COMMD10: variants seen among roughly 807,000 people sequenced by gnomAD.
The protein encoded by COMMD10 is COMM domain containing 10.
Under a neutral mutation model 28.9 loss-of-function variants are expected in COMMD10, and 33 were observed. The ratio of observed to expected loss-of-function variants is 1.14; its 90% confidence interval spans 0.87 to 1.53. The LOEUF (loss-of-function observed/expected upper bound fraction) is 1.53. Ranked by LOEUF, COMMD10 falls within the 40% of genes most tolerant of loss-of-function variation. The pLI, the probability that COMMD10 is intolerant of heterozygous loss-of-function variation, is 0.00. For synonymous variants in COMMD10, 110 were observed against 81.7 expected (o/e 1.35, Z -1.87); for missense variants, 310 against 233.4 (o/e 1.33, Z -2.14).
At chr5:116,173,497 C>A (rs144729728) in intron 5 of COMMD10, among the ~76,000 whole-genome samples, 31 of 152,254 alleles carry the variant, frequency 2.0e-4, no homozygotes, top group African/African-American at 7.0e-4. Flanking sequence ...AATATACTTA[C>A]AAAGAGCTAG....
At chr5:116,102,147 A>G (rs534540675) in intron 4 of COMMD10, among the ~76,000 whole-genome samples, 15 of 152,178 alleles carry the variant, frequency 9.9e-5, no homozygotes, top group Non-Finnish European at 1.9e-4. Flanking sequence ...AACAAGGTCC[A>G]AAAGAGTTTT....
At chr5:116,128,480 TATGATGTAC>T (rs1751736297) in intron 4 of COMMD10, among the ~76,000 whole-genome samples, 1 of 152,036 alleles carries the variant, frequency 6.6e-6, no homozygotes, top group African/African-American at 2.4e-5. Context: ...AATTCATTGA[TATGATGTAC>T]ACAGGATAGT....
chr5:116,125,691 C>G (rs1024568188), intron 4 of COMMD10, among the ~76,000 whole-genome samples: 2 of 152,104 alleles, frequency 1.3e-5, no homozygotes, highest in African/African-American at 4.8e-5. Flanking sequence ...GTGCACCAAT[C>G]AGATATAGAT....
intron 5 of COMMD10, among the ~76,000 whole-genome samples, chr5:116,251,381 T>C (rs1250052425): frequency 6.8e-6 from 1 of 147,568 alleles, no homozygotes; most frequent in Admixed American, 6.8e-5. Context: ...CATGCTGGTG[T>C]GCTGCACCCA....
intron 5 of COMMD10, among the ~76,000 whole-genome samples, chr5:116,200,428 G>T (rs1388225734): frequency 2.0e-5 from 3 of 151,732 alleles, no homozygotes; most frequent in Non-Finnish European, 4.4e-5. Flanking sequence ...TATCTCTTTT[G>T]GTGCTCTGTG....
chr5:116,281,383 TTAAAAA>T lies in COMMD10; in HGVS notation c.511-10127_511-10122del, dbSNP rs529760465. On this transcript the variant is annotated intron_variant, in intron 5 of 6. Transcript: ENST00000274458. ...AGGTACTCATAGATAGGATTACAAA[TTAAAAA>T]TAAAAAGGAATGGGTGGTGAACAAA... Among the ~76,000 whole-genome samples the T allele has an allele frequency of 1.7e-3, 262 of 151,892 alleles. 5 individuals are homozygous for T. The highest frequency in any genetic ancestry group is 6.0e-3 in the African/African-American group (246 of 41,272).
At chr5:116,132,585 C>A (rs1294059432) in intron 4 of COMMD10, among the ~76,000 whole-genome samples, 1 of 151,908 alleles carries the variant, frequency 6.6e-6, no homozygotes, top group Non-Finnish European at 1.5e-5. Flanking sequence ...GGGATAGGAT[C>A]AATTAAATAA....
At chr5:116,259,062 A>ATTTT (rs36082006) in intron 5 of COMMD10, among the ~76,000 whole-genome samples, 1 of 123,620 alleles carries the variant, frequency 8.1e-6, no homozygotes, top group Non-Finnish European at 1.7e-5. Flanking sequence ...ACGTCCTTTA[A>ATTTT]TTTTTTTTTT....
At chr5:116,240,966 T>C (rs1425432092) in intron 5 of COMMD10, among the ~76,000 whole-genome samples, 1 of 152,186 alleles carries the variant, frequency 6.6e-6, no homozygotes, top group East Asian at 1.9e-4. Context: ...TAGATCCATT[T>C]TTTGTTAAAA....
chr5:116,171,913 C>T (rs890941527), intron 5 of COMMD10, among the ~76,000 whole-genome samples: 6 of 152,058 alleles, frequency 3.9e-5, no homozygotes, highest in Admixed American at 1.3e-4. Context: ...CACCATGGCA[C>T]GTGTATACCT....
At chr5:116,131,452 A>C (rs1005601822) in intron 4 of COMMD10, among the ~76,000 whole-genome samples, 11 of 151,802 alleles carry the variant, frequency 7.2e-5, no homozygotes, top group Non-Finnish European at 1.3e-4. Flanking sequence ...GAACCAACCA[A>C]ATATTAGCTC....
At chr5:116,212,871 G>T (rs1007497262) in intron 5 of COMMD10, among the ~76,000 whole-genome samples, 2 of 151,952 alleles carry the variant, frequency 1.3e-5, no homozygotes, top group African/African-American at 4.8e-5. Flanking sequence ...CTTGTTCTGG[G>T]GTATCCATAA....
rs1413760899 is a variant in COMMD10, at chr5:116,210,363, C to G, written c.510+76185C>G. ...ATATATACACGCAAGCACACATATA[C>G]AGGCATACTTATGTGTTTATATGTG... On this transcript the variant is annotated intron_variant, in intron 5 of 6. Transcript: ENST00000274458. Among the ~76,000 whole-genome samples, 3 of 151,500 alleles carry G rather than the reference C, an allele frequency of 2.0e-5. No homozygotes were observed. The East Asian group carries it at 5.8e-4, about 29-fold the overall frequency.
At chr5:116,160,738 T>G (rs1465435957) in intron 5 of COMMD10, among the ~76,000 whole-genome samples, 3 of 152,176 alleles carry the variant, frequency 2.0e-5, no homozygotes, top group African/African-American at 7.2e-5. Context: ...TATAAAAATT[T>G]CAGAAATCTC....
At chr5:116,097,837 A>G (rs995980441) in intron 4 of COMMD10, among the ~76,000 whole-genome samples, 2 of 152,016 alleles carry the variant, frequency 1.3e-5, no homozygotes, top group Non-Finnish European at 2.9e-5. Flanking sequence ...GGGGCTACAT[A>G]CTTTTGAACA....
chr5:116,257,612 G>A (rs76055713), intron 5 of COMMD10, among the ~76,000 whole-genome samples: 2 of 151,528 alleles, frequency 1.3e-5, no homozygotes, highest in Non-Finnish European at 1.5e-5. Flanking sequence ...TTAGCAGGGG[G>A]CCCTTTACCT....
chr5:116,241,555 AACTCTCT>A (rs1749807057), intron 5 of COMMD10, among the ~76,000 whole-genome samples: 1 of 151,562 alleles, frequency 6.6e-6, no homozygotes, highest in Non-Finnish European at 1.5e-5. Context: ...AATATGGTAA[AACTCTCT>A]ATCCTCTTAC....
At chr5:116,134,868 C>T (rs993513667) in intron 5 of COMMD10, among the ~76,000 whole-genome samples, 1 of 151,940 alleles carries the variant, frequency 6.6e-6, no homozygotes, top group African/African-American at 2.4e-5. Context: ...TGATCCACCC[C>T]CCTCAGCCTC....
chr5:116,154,368 G>A (rs10055039), intron 5 of COMMD10, among the ~76,000 whole-genome samples: 4 of 152,218 alleles, frequency 2.6e-5, no homozygotes, highest in African/African-American at 9.6e-5. Flanking sequence ...TGTTAGTGAT[G>A]TCAAAAGTTA....
Sources: allele counts gnomAD v4.1 joint callset (sites outside exome capture counted in the v4.1 genomes callset), GRCh38; gene constraint gnomAD v4.1.1; transcripts MANE v1.5; gene names NCBI Gene and HGNC (gene_info 2026-07-23, HGNC 2026-07-21).